ADAM18: variants seen among roughly 807,000 people sequenced by gnomAD.
ADAM18 encodes disintegrin and metalloproteinase domain-containing protein 18.
A neutral mutation model predicts 94.4 loss-of-function variants in ADAM18; 117 were observed. The ratio of observed to expected loss-of-function variants is 1.24; its 90% CI spans 1.07 to 1.45. The LOEUF is 1.45. Among genes scored for constraint, ADAM18 ranks in the 40% most tolerant of loss-of-function variants. ADAM18 has a pLI of 0.00. For synonymous variants in ADAM18, 327 were observed against 291.6 expected (o/e 1.12, Z -1.24); for missense variants, 936 against 880.0 (o/e 1.06, Z -0.81).
At chr8:39,615,394 C>A (rs912453570) in intron 6 of ADAM18, among the ~76,000 whole-genome samples, 4 of 152,092 alleles carry the variant, frequency 2.6e-5, no homozygotes, top group Admixed American at 6.6e-5. Flanking sequence ...TCAAGAAATT[C>A]TTTTAAACCA....
rs529503104 is a variant in ADAM18, at chr8:39,618,880, C to T, written c.522+8174C>T. On this transcript the variant is annotated intron_variant, in intron 6 of 19. Transcript: ENST00000265707. ...TCTCTGCAGGGGGAAGCACATCACGCGCTGTTGGCTCATTCTGGCAGTCCA... is the reference window on the plus strand; with the variant it reads ...TCTCTGCAGGGGGAAGCACATCACGTGCTGTTGGCTCATTCTGGCAGTCCA... Among the ~76,000 whole-genome samples the T allele has an allele frequency of 8.5e-5, 13 of 152,264 alleles. No individual in the cohort carries two copies. In the South Asian group the frequency reaches 1.2e-3, roughly 15 times the overall value.
At position 39,665,456 on chromosome 8, in the gene ADAM18, A is replaced by G. The variant is rs116409238; in HGVS notation, c.1326+1566A>G. On this transcript the variant is annotated intron_variant, in intron 13 of 19. Transcript: ENST00000265707. The stretch of plus-strand genomic sequence containing the variant: ...ATAGTGTTTCATTTCACTTAGCTAG[A>G]TACCTAGGAGAGGGATTGCTGGATC... Among the ~76,000 whole-genome samples, 922 of 152,330 alleles carry G rather than the reference A, an allele frequency of 6.1e-3. 6 individuals carry two copies. The highest frequency in any genetic ancestry group is 0.021 in the African/African-American group (878 of 41,566).
intron 2 of ADAM18, among the ~76,000 whole-genome samples, chr8:39,592,442 A>T (rs925836005): frequency 6.6e-6 from 1 of 152,172 alleles, no homozygotes; most frequent in African/African-American, 2.4e-5. Context: ...ACCAATCTAA[A>T]TGTCCACCAA....
At chr8:39,601,526 T>G (rs1818903311) in intron 2 of ADAM18, among the ~76,000 whole-genome samples, 1 of 152,238 alleles carries the variant, frequency 6.6e-6, no homozygotes. Flanking sequence ...TAGTTTTTAA[T>G]GTACACATTT....
intron 11 of ADAM18, among the ~76,000 whole-genome samples, chr8:39,647,490 G>A (rs937282301): frequency 6.6e-6 from 1 of 152,114 alleles, no homozygotes; most frequent in Non-Finnish European, 1.5e-5. Flanking sequence ...CCAGGGGCAG[G>A]CAGGAGACAG....
chr8:39,701,115 C>T (rs1285461406), intron 17 of ADAM18, among the ~76,000 whole-genome samples: 4 of 10,002 alleles, frequency 4.0e-4, no homozygotes, highest in African/African-American at 6.7e-4. Context: ...AAGACTCTGT[C>T]TCAAAAAAAA....
rs142862018 is a variant in ADAM18, at chr8:39,598,084, T to C, written c.133-8223T>C. Among the ~76,000 whole-genome samples the C allele has an allele frequency of 2.0e-4, 31 of 152,328 alleles. 2 individuals are homozygous for C. The East Asian group carries it at 6.0e-3, about 29-fold the overall frequency. ...ACATTCCCCTCCTTCATTGCTAGTA[T>C]GTAGGAAAGCAATTGACTTTTGTAT... On this transcript the variant is annotated intron_variant, in intron 2 of 19. Transcript: ENST00000265707.
At chr8:39,629,740 T>C (rs1819880659) in intron 7 of ADAM18, among the ~76,000 whole-genome samples, 1 of 151,826 alleles carries the variant, frequency 6.6e-6, no homozygotes. Context: ...GTGAAAGTTT[T>C]GTTTTAATTT....
At chr8:39,638,619 GTAGT>G (rs1820154664) in intron 10 of ADAM18, 73 bp downstream of exon 10, 2 of 888,880 alleles carry the variant, frequency 2.3e-6, no homozygotes, top group East Asian at 3.0e-5. Flanking sequence ...ATTAATTTAA[GTAGT>G]TAAATAGTGT....
intron 2 of ADAM18, among the ~76,000 whole-genome samples, chr8:39,588,814 G>C (rs1818485053): frequency 6.6e-6 from 1 of 152,190 alleles, no homozygotes; most frequent in Admixed American, 6.5e-5. Context: ...CATCTCTTTA[G>C]GAGGTTGTTA....
chr8:39,585,303 CA>C lies in ADAM18; in HGVS notation c.84del (p.Val29PhefsTer17). 1 of 1,613,360 alleles carries C rather than the reference CA, an allele frequency of 6.2e-7. No homozygotes were observed. The highest frequency in any genetic ancestry group is 8.5e-7 in the Non-Finnish European group (1 of 1,179,680). On this transcript the variant is annotated frameshift_variant, in exon 2 of 20. Transcript: ENST00000265707. LOFTEE classifies it high-confidence loss of function. ...EGSEGIFLHVTVPRKIKSNDS... is the reference protein window; with the variant it reads ...EGSEGIFLHVXVPRKIKSNDS... ...TCTGAAGGAATATTTCTGCATGTCACAGTTCCACGGAAGATTAAGTCAAATG... is the reference window on the plus strand; with the variant it reads ...TCTGAAGGAATATTTCTGCATGTCACGTTCCACGGAAGATTAAGTCAAATG...
intron 16 of ADAM18, among the ~76,000 whole-genome samples, chr8:39,690,362 T>C (rs1317779701): frequency 1.3e-5 from 2 of 151,948 alleles, no homozygotes; most frequent in Admixed American, 6.6e-5. Flanking sequence ...CCCTGGGCAG[T>C]AGGGGTGCTC....
At chr8:39,679,164 T>A (rs1371306933) in intron 15 of ADAM18, among the ~76,000 whole-genome samples, 2 of 152,202 alleles carry the variant, frequency 1.3e-5, no homozygotes, top group Non-Finnish European at 2.9e-5. Flanking sequence ...TAATTAAGCT[T>A]ATTCTTCTGA....
rs564171820 is a variant in ADAM18, at chr8:39,646,904, A to AG, written c.1046+1435dup. Among the ~76,000 whole-genome samples, 910 of 152,236 alleles carry AG rather than the reference A, an allele frequency of 6.0e-3. 5 individuals are homozygous for AG. The highest frequency in any genetic ancestry group is 0.021 in the African/African-American group (864 of 41,548). ...TATTGAAAGTAGAAGGAGAATGAAG[A>AG]GGGGGCACAATTTAAGATAGTGTTG... On this transcript the variant is annotated intron_variant, in intron 11 of 19. Coordinates refer to ENST00000265707, the MANE Select transcript of ADAM18 (RefSeq NM_014237.3).
chr8:39,698,607 C>T (rs1157009182), intron 17 of ADAM18, among the ~76,000 whole-genome samples: 1 of 151,956 alleles, frequency 6.6e-6, no homozygotes, highest in African/African-American at 2.4e-5. Flanking sequence ...TTTCAATTGC[C>T]TGATTTTCTT....
In ADAM18 at chr8:39,654,000, A is replaced by G. The variant is rs1314521255; in HGVS notation, c.1230+5473A>G. Among the ~76,000 whole-genome samples, 5 of 151,762 alleles carry G rather than the reference A, an allele frequency of 3.3e-5. No individual in the cohort carries two copies. In the East Asian group the frequency reaches 9.7e-4, roughly 29 times the overall value. On this transcript the variant is annotated intron_variant, in intron 12 of 19. Transcript: ENST00000265707. Reference sequence around the variant, plus strand: ...CTTCCCTTCCCAGCCTCTGGTAACAACCATTCTACTCTCTGCCTTCATGAG... The same window carrying G: ...CTTCCCTTCCCAGCCTCTGGTAACAGCCATTCTACTCTCTGCCTTCATGAG...
At chr8:39,679,929 G>C in intron 15 of ADAM18, 108 bp from the exon 16 acceptor site, 2 of 1,061,204 alleles carry the variant, frequency 1.9e-6, no homozygotes, top group Non-Finnish European at 2.8e-6. Flanking sequence ...GCATTTTTCA[G>C]TTGTTATACT....
intron 13 of ADAM18, 89 bp from the exon 14 acceptor site, chr8:39,667,909 T>C (rs1821035155): frequency 7.5e-7 from 1 of 1,341,482 alleles, no homozygotes; most frequent in Admixed American, 1.9e-5. Context: ...TATCAATAAT[T>C]AGAAACATTT....
At chr8:39,593,687 A>G (rs182039406) in intron 2 of ADAM18, among the ~76,000 whole-genome samples, 3 of 152,252 alleles carry the variant, frequency 2.0e-5, no homozygotes, top group Admixed American at 1.3e-4. Flanking sequence ...TTTGCTTCTT[A>G]TATTTTGCAG....
Sources: allele counts gnomAD v4.1 joint callset (sites outside exome capture counted in the v4.1 genomes callset), GRCh38; gene constraint gnomAD v4.1.1; transcripts MANE v1.5; gene names NCBI Gene and HGNC (gene_info 2026-07-23, HGNC 2026-07-21).